ZNF560: variants seen among roughly 807,000 people sequenced by gnomAD.
The protein encoded by ZNF560 is zinc finger protein 560.
A neutral mutation model predicts 81.8 loss-of-function variants in ZNF560; 54 were observed. The ratio of observed to expected loss-of-function variants is 0.66; its 90% CI spans 0.53 to 0.83. ZNF560 has a LOEUF of 0.83. Among genes scored for constraint, ZNF560 ranks in the 40% least tolerant of loss-of-function variants. The pLI is 0.00. For synonymous variants in ZNF560, 321 were observed against 317.9 expected, an observed-to-expected ratio of 1.01 and a Z score of -0.10; for missense variants, 940 against 932.4, an observed-to-expected ratio of 1.01 and a Z score of -0.11.
At chr19:9,460,486 G>A in the ZNF560 span, among the ~76,000 whole-genome samples, 2 of 152,142 alleles carry the variant, frequency 1.3e-5, no homozygotes, top group African/African-American at 4.8e-5. Flanking sequence ...CCCCAGTGGA[G>A]GTATACACTA....
chr19:9,495,370 C>T (rs1599684516), intron 2 of ZNF560, among the ~76,000 whole-genome samples: 1 of 152,090 alleles, frequency 6.6e-6, no homozygotes, highest in African/African-American at 2.4e-5. Flanking sequence ...TTAAACAACA[C>T]TCATATAAAA....
intron 2 of ZNF560, among the ~76,000 whole-genome samples, chr19:9,485,015 C>T (rs1462316957): frequency 1.3e-5 from 2 of 152,096 alleles, no homozygotes; most frequent in Non-Finnish European, 2.9e-5. Context: ...TTTCTAGACA[C>T]ACACAACCTA....
chr19:9,447,198 G>A, the ZNF560 span, among the ~76,000 whole-genome samples: 51 of 150,488 alleles, frequency 3.4e-4, no homozygotes, highest in Middle Eastern at 7.0e-3. Flanking sequence ...AAGCTGTAAG[G>A]AATTCTACAG....
chr19:9,500,711 C>T (rs2073626386), upstream of ZNF560, among the ~76,000 whole-genome samples: 1 of 151,848 alleles, frequency 6.6e-6, no homozygotes, highest in Non-Finnish European at 1.5e-5. Flanking sequence ...TAGGTGGGCA[C>T]TCCCAAGTGC....
chr19:9,468,050 T>C lies in ZNF560; in HGVS notation c.897A>G (p.Lys299=). 6.2e-7 allele frequency: 1 copy of C among 1,614,234 alleles called. No homozygotes were observed. Among genetic ancestry groups the C allele is most frequent in the Non-Finnish European group, 8.5e-7 (1 of 1,180,042 alleles). The change falls in exon 10 of 10, where the codon AAA becomes AAG. Residue 299 remains lysine (K), a synonymous_variant. Coordinates refer to ENST00000301480, the MANE Select transcript of ZNF560 (RefSeq NM_152476.3). Reference sequence around the variant, plus strand: ...CAAGGTATGACTGATAAATGAAGGCTTTCCCATAGTCAGTGCCTTCAAAGG... The same window carrying C: ...CAAGGTATGACTGATAAATGAAGGCCTTCCCATAGTCAGTGCCTTCAAAGG... ...DKSFEGTDYG[K]AFIYQSYLEA... is the part of the protein sequence containing the mutation.
chr19:9,473,343 G>A (rs2073151637), intron 4 of ZNF560, 84 bp from the exon 5 acceptor site: 2 of 975,430 alleles, frequency 2.1e-6, no homozygotes. Flanking sequence ...CACTTTGGGA[G>A]GCTGAAGTGG....
At chr19:9,471,114 C>A (rs2073114133) in intron 6 of ZNF560, among the ~76,000 whole-genome samples, 182 bp downstream of exon 6, 1 of 152,114 alleles carries the variant, frequency 6.6e-6, no homozygotes, top group Non-Finnish European at 1.5e-5. Flanking sequence ...TAGAAGGATA[C>A]AACTTTCACA....
chr19:9,483,583 G>C (rs2073334430), intron 2 of ZNF560, among the ~76,000 whole-genome samples: 1 of 148,266 alleles, frequency 6.7e-6, no homozygotes, highest in South Asian at 2.1e-4. Flanking sequence ...GAGGGGGGTG[G>C]GGGGTCAGCC....
chr19:9,464,023 A>G (rs1359991637), downstream of ZNF560, among the ~76,000 whole-genome samples: 1 of 152,214 alleles, frequency 6.6e-6, no homozygotes, highest in Admixed American at 6.5e-5. Flanking sequence ...TTGGATTACC[A>G]TTACACTGGC....
downstream of ZNF560, among the ~76,000 whole-genome samples, chr19:9,465,315 G>T (rs1341767252): frequency 6.6e-6 from 1 of 152,080 alleles, no homozygotes; most frequent in Non-Finnish European, 1.5e-5. Flanking sequence ...ATTTTTAGTA[G>T]AGACAGGGTT....
At chr19:9,457,558 C>T in the ZNF560 span, among the ~76,000 whole-genome samples, 6 of 152,162 alleles carry the variant, frequency 3.9e-5, no homozygotes, top group African/African-American at 1.4e-4. Context: ...CTTTGTGCTT[C>T]CCCCACTCCG....
chr19:9,451,516 TGAA>T, the ZNF560 span, among the ~76,000 whole-genome samples: 1 of 152,138 alleles, frequency 6.6e-6, no homozygotes, highest in Non-Finnish European at 1.5e-5. Flanking sequence ...TAACAATCCT[TGAA>T]GAAAACTTAG....
Position 9,468,351 on chromosome 19 carries a change from G to T in ZNF560, c.613-17C>A, listed in dbSNP as rs369081467. ...GTTTCTTGCCTGTTAACACAGGAAT[G>T]AACAATAAAGGAAGCATTTTAGCAG... On this transcript the variant is annotated splice_polypyrimidine_tract_variant and intron_variant, in intron 9 of 9. Coordinates refer to ENST00000301480, the MANE Select transcript of ZNF560 (RefSeq NM_152476.3). 6 of 1,548,394 alleles carry T rather than the reference G, an allele frequency of 3.9e-6. No individual in the cohort carries two copies. The highest frequency in any genetic ancestry group is 5.2e-6 in the Non-Finnish European group (6 of 1,149,496).
chr19:9,457,005 A>C, the ZNF560 span, among the ~76,000 whole-genome samples: 1 of 152,212 alleles, frequency 6.6e-6, no homozygotes. Context: ...TTTTGATGGT[A>C]AGCCTGCAGA....
intron 2 of ZNF560, among the ~76,000 whole-genome samples, chr19:9,483,267 GC>G (rs1335981562): frequency 2.0e-5 from 3 of 149,340 alleles, no homozygotes; most frequent in African/African-American, 7.5e-5. Context: ...GAGCACCTCT[GC>G]CCCGCCGCCC....
At chr19:9,474,864 A>C (rs931427646) in intron 3 of ZNF560, among the ~76,000 whole-genome samples, 1 of 121,664 alleles carries the variant, frequency 8.2e-6, no homozygotes, top group African/African-American at 3.2e-5. Flanking sequence ...ACAATGTCTC[A>C]GTATGTTGCC....
intron 2 of ZNF560, among the ~76,000 whole-genome samples, chr19:9,476,446 C>G (rs1418459776): frequency 6.6e-6 from 1 of 152,124 alleles, no homozygotes; most frequent in Non-Finnish European, 1.5e-5. Flanking sequence ...GCACGTGCCA[C>G]CAGACCTGGC....
At chr19:9,455,441 G>A in the ZNF560 span, among the ~76,000 whole-genome samples, 1 of 152,156 alleles carries the variant, frequency 6.6e-6, no homozygotes. Context: ...TGTAACTACC[G>A]ACCAACTTTT....
At chr19:9,491,894 A>AAGCTAATGC (rs1376264168) in intron 2 of ZNF560, among the ~76,000 whole-genome samples, 1 of 151,212 alleles carries the variant, frequency 6.6e-6, no homozygotes, top group Non-Finnish European at 1.5e-5. Flanking sequence ...CCATTTACCA[A>AAGCTAATGC]AGCTAATGCA....
Sources: gnomAD v4.1 joint callset for allele counts (sites outside exome capture counted in the v4.1 genomes callset) on GRCh38, gnomAD v4.1.1 for gene constraint, MANE v1.5 for transcripts, NCBI Gene and HGNC (gene_info 2026-07-23, HGNC 2026-07-21) for gene names.